RAD51B: variants seen among roughly 807,000 people sequenced by gnomAD.
The protein encoded by RAD51B is DNA repair protein RAD51 homolog 2.
A neutral mutation model predicts 42.2 loss-of-function variants in RAD51B; 38 were observed. The observed-to-expected ratio is 0.90, with a 90% CI of 0.70 to 1.18. The LOEUF is 1.18. RAD51B is among the 50% of genes most tolerant of loss of function. RAD51B has a pLI of 0.00. For synonymous variants in RAD51B, 154 were observed against 145.2 expected (o/e 1.06, Z -0.43); for missense variants, 373 against 400.7 (o/e 0.93, Z 0.59).
intron 7 of RAD51B, among the ~76,000 whole-genome samples, chr14:67,894,847 A>T (rs2043356973): frequency 6.6e-6 from 1 of 152,150 alleles, no homozygotes; most frequent in Admixed American, 6.6e-5. Context: ...TGGCGTGGTC[A>T]TAGCTTACTG....
intron 7 of RAD51B, among the ~76,000 whole-genome samples, chr14:68,073,264 T>A (rs1181060624): frequency 6.6e-6 from 1 of 152,236 alleles, no homozygotes; most frequent in Non-Finnish European, 1.5e-5. Context: ...GAACCCTTTA[T>A]GATTATGTAA....
chr14:67,873,944 A>G (rs11851238), intron 5 of RAD51B, among the ~76,000 whole-genome samples: 1,123 of 94,854 alleles, frequency 0.012, 20 homozygotes, highest in African/African-American at 0.043. Flanking sequence ...GTTGTGGGGT[A>G]GGGGGAGGGG....
intron 10 of RAD51B, among the ~76,000 whole-genome samples, chr14:68,582,431 A>T (rs1457854618): frequency 1.3e-5 from 2 of 152,262 alleles, no homozygotes; most frequent in Non-Finnish European, 2.9e-5. Flanking sequence ...TCACTAGAGA[A>T]ATGCAAATCA....
chr14:67,986,763 G>A (rs1462141020), intron 7 of RAD51B, among the ~76,000 whole-genome samples: 1 of 152,074 alleles, frequency 6.6e-6, no homozygotes, highest in Non-Finnish European at 1.5e-5. Context: ...ATGGAGTTTC[G>A]CTCTGTTGCT....
intron 8 of RAD51B, among the ~76,000 whole-genome samples, chr14:68,318,468 A>T (rs1205524972): frequency 6.6e-6 from 1 of 152,198 alleles, no homozygotes; most frequent in Admixed American, 6.5e-5. Flanking sequence ...TTCTAAATTT[A>T]AGTTGCTAAG....
chr14:67,826,135 G>A (rs925023795), intron 3 of RAD51B, among the ~76,000 whole-genome samples: 2 of 152,092 alleles, frequency 1.3e-5, no homozygotes, highest in African/African-American at 4.8e-5. Flanking sequence ...ATAGCCAATA[G>A]CAGTAGTTCA....
chr14:67,874,139 AC>A (rs1211721971), intron 5 of RAD51B, among the ~76,000 whole-genome samples: 1 of 151,972 alleles, frequency 6.6e-6, no homozygotes, highest in African/African-American at 2.4e-5. Context: ...CAAGAAGAAA[AC>A]CCAGGAGATG....
At chr14:68,580,990 G>GT in intron 10 of RAD51B, among the ~76,000 whole-genome samples, 1 of 152,218 alleles carries the variant, frequency 6.6e-6, no homozygotes, top group East Asian at 1.9e-4. Flanking sequence ...GTGAGATTCA[G>GT]TTTTTTTCAT....
intron 9 of RAD51B, among the ~76,000 whole-genome samples, chr14:68,419,159 GC>G (rs2084635324): frequency 1.3e-5 from 2 of 152,108 alleles, no homozygotes; most frequent in African/African-American, 2.4e-5. Context: ...CTCCATTCTA[GC>G]CCCTTTGTTT....
chr14:68,177,344 C>T (rs1466928713), intron 7 of RAD51B, among the ~76,000 whole-genome samples: 1 of 152,192 alleles, frequency 6.6e-6, no homozygotes, highest in Non-Finnish European at 1.5e-5. Flanking sequence ...TGTATGTTTA[C>T]ACAGGTAGGC....
chr14:68,423,124 G>C (rs2084750505), intron 9 of RAD51B, among the ~76,000 whole-genome samples: 1 of 152,180 alleles, frequency 6.6e-6, no homozygotes, highest in Non-Finnish European at 1.5e-5. Flanking sequence ...AGCTCCCATG[G>C]TTGTATCCCA....
intron 8 of RAD51B, among the ~76,000 whole-genome samples, chr14:68,296,548 A>G (rs1403808400): frequency 3.9e-5 from 6 of 152,210 alleles, no homozygotes. Flanking sequence ...CTAACAGTCC[A>G]AATGGCCTAA....
At chr14:68,481,683 T>C (rs1219930872), downstream of RAD51B, among the ~76,000 whole-genome samples, 1 of 152,256 alleles carries the variant, frequency 6.6e-6, no homozygotes, top group Non-Finnish European at 1.5e-5. Flanking sequence ...GTTCAGTTTG[T>C]CACCAGAAAG....
At chr14:68,080,781 T>C (rs1170233142) in intron 7 of RAD51B, among the ~76,000 whole-genome samples, 1 of 152,194 alleles carries the variant, frequency 6.6e-6, no homozygotes, top group Admixed American at 6.5e-5. Context: ...GCCTCTCTGA[T>C]ACTGATTGAG....
chr14:68,470,603 T>A lies in RAD51B; in HGVS notation c.1036+2353T>A, dbSNP rs2086098649. On this transcript the variant is annotated intron_variant, in intron 10 of 10. Coordinates refer to ENST00000471583, the MANE Select transcript of RAD51B (RefSeq NM_133510.4). ...TTGGTGGGTCATGAAGTGAAATTGA[T>A]GAATCACAACCAGCATTTGAAAACA... The A allele has an allele frequency of 1.2e-5, 6 of 508,436 alleles. No homozygotes were observed. In the Admixed American group the frequency reaches 1.4e-4, roughly 12 times the overall value. The allele number at this position is 508,436 out of a possible 1,614,324, so 31.5% of individuals were successfully genotyped here.
chr14:68,230,344 CAG>C (rs2080122785), intron 7 of RAD51B, among the ~76,000 whole-genome samples: 1 of 152,144 alleles, frequency 6.6e-6, no homozygotes, highest in African/African-American at 2.4e-5. Context: ...GTAGAGGAAA[CAG>C]AAACTAATGG....
chr14:68,550,249 A>C (rs919980416), intron 10 of RAD51B, among the ~76,000 whole-genome samples: 7 of 152,176 alleles, frequency 4.6e-5, no homozygotes, highest in African/African-American at 1.7e-4. Flanking sequence ...TTTCAAAGCA[A>C]AGGATTCTTT....
At chr14:68,002,052 G>A (rs1432204851) in intron 7 of RAD51B, among the ~76,000 whole-genome samples, 1 of 152,102 alleles carries the variant, frequency 6.6e-6, no homozygotes, top group Non-Finnish European at 1.5e-5. Context: ...ATTCCTTTGG[G>A]TATATAAGCA....
Position 67,958,195 on chromosome 14 carries a change from G to T in RAD51B, c.756+70991G>T, listed in dbSNP as rs570637533. Reference sequence around the variant, plus strand: ...GACAGGAACCATGTCTGTTTATTTTGTGTGATAGTAACATGGAGCTCTATA... The same window carrying T: ...GACAGGAACCATGTCTGTTTATTTTTTGTGATAGTAACATGGAGCTCTATA... On this transcript the variant is annotated intron_variant, in intron 7 of 10. Transcript: ENST00000471583. Among the ~76,000 whole-genome samples the T allele has an allele frequency of 1.1e-4, 16 of 152,284 alleles. No individual in the cohort carries two copies. The South Asian group carries it at 3.3e-3, about 32-fold the overall frequency.
Sources: allele counts gnomAD v4.1 joint callset (sites outside exome capture counted in the v4.1 genomes callset), GRCh38; gene constraint gnomAD v4.1.1; transcripts MANE v1.5; gene names NCBI Gene and HGNC (gene_info 2026-07-23, HGNC 2026-07-21).